Variants in SH3KBP1 observed in about 807,000 individuals in gnomAD.
SH3KBP1 encodes the protein SH3 domain-containing kinase-binding protein 1.
In SH3KBP1, 8 loss-of-function variants were observed where a neutral mutation model predicts 50.1. That is an observed-to-expected ratio of 0.16 (90% CI 0.09 to 0.29). The LOEUF (loss-of-function observed/expected upper bound fraction) is 0.29, where lower values mean the gene tolerates loss of function less well. SH3KBP1 is among the 10% of genes least tolerant of loss of function. The pLI is 1.00. For synonymous variants in SH3KBP1, 227 were observed against 218.6 expected (o/e 1.04, Z -0.34); for missense variants, 377 against 535.2 (o/e 0.70, Z 2.92).
intron 2 of SH3KBP1, among the ~76,000 whole-genome samples, chrX:19,780,476 G>A (rs1302087584): frequency 1.0e-5 from 1 of 100,319 alleles, no homozygotes; most frequent in Non-Finnish European, 2.0e-5. Flanking sequence ...TTTGGCTTTT[G>A]TTGCCATTGC....
At chrX:19,862,013 G>A (rs1020479890) in intron 1 of SH3KBP1, among the ~76,000 whole-genome samples, 7 of 111,986 alleles carry the variant, frequency 6.3e-5, no homozygotes, top group East Asian at 2.8e-4. Context: ...GACCACTTCC[G>A]CCTCTTGGTA....
chrX:19,610,639 A>C (rs1333548046), intron 8 of SH3KBP1, among the ~76,000 whole-genome samples: 1 of 111,994 alleles, frequency 8.9e-6, no homozygotes, highest in Non-Finnish European at 1.9e-5. Context: ...CATGATCTCT[A>C]ACCCCAGGGA....
intron 1 of SH3KBP1, among the ~76,000 whole-genome samples, chrX:19,837,269 T>C (rs2068084636): frequency 1.8e-5 from 2 of 111,307 alleles, no homozygotes; most frequent in Admixed American, 9.6e-5. Context: ...GTTACATTGT[T>C]TTCCTGATCT....
intron 13 of SH3KBP1, among the ~76,000 whole-genome samples, chrX:19,554,240 A>AT (rs374866980): frequency 1.5e-5 from 1 of 67,242 alleles, no homozygotes; most frequent in Non-Finnish European, 2.6e-5. Context: ...AAAATATATT[A>AT]TATATATTAA....
intron 2 of SH3KBP1, among the ~76,000 whole-genome samples, chrX:19,831,202 A>C (rs1475354343): frequency 9.0e-6 from 1 of 111,609 alleles, no homozygotes; most frequent in Non-Finnish European, 1.9e-5. Context: ...GGATCACTTG[A>C]GGCCAGAAGT....
At chrX:19,773,856 GAAAAAAA>G (rs59381892) in intron 2 of SH3KBP1, among the ~76,000 whole-genome samples, 18 of 14,918 alleles carry the variant, frequency 1.2e-3, no homozygotes, top group African/African-American at 1.1e-3. Flanking sequence ...ACTCCGGCTC[GAAAAAAA>G]AAAAAAAAAA....
chrX:19,761,670 G>A (rs1404598152), intron 2 of SH3KBP1, among the ~76,000 whole-genome samples: 1 of 111,499 alleles, frequency 9.0e-6, no homozygotes, highest in Admixed American at 9.5e-5. Flanking sequence ...AATAGTAGAA[G>A]CAACAGCTAG....
Position 19,887,473 on chromosome X carries a change from C to T in SH3KBP1, c.-163G>A. On this transcript the variant is annotated 5_prime_UTR_variant, in exon 1 of 18. Transcript: ENST00000397821. ...CTCAGTGGCGGCGGCGGCGGCTCAG[C>T]GCCGCCCGCTGCTGCCTCTGCTGCT... The T allele has an allele frequency of 2.9e-6, 1 of 341,367 alleles. No individual in the cohort carries two copies. The highest frequency in any genetic ancestry group is 4.6e-6 in the Non-Finnish European group (1 of 216,052). The allele number at this position is 341,367 out of a possible 1,213,427, so 28.1% of individuals were successfully genotyped here. A position where few individuals can be genotyped will look rare whatever the true frequency, so the allele number is the denominator to read the frequency against.
At chrX:19,547,818 C>T (rs1377486676) in intron 14 of SH3KBP1, among the ~76,000 whole-genome samples, 1 of 112,169 alleles carries the variant, frequency 8.9e-6, no homozygotes, top group African/African-American at 3.2e-5. Flanking sequence ...TTGAGGAATA[C>T]GCCCATATCC....
intron 3 of SH3KBP1, among the ~76,000 whole-genome samples, chrX:19,740,564 G>A (rs973395210): frequency 8.9e-6 from 1 of 112,026 alleles, no homozygotes; most frequent in Non-Finnish European, 1.9e-5. Context: ...GAAACTCAAA[G>A]AAAAGTCTGA....
chrX:19,623,983 A>C (rs2067931612), intron 8 of SH3KBP1, among the ~76,000 whole-genome samples: 1 of 111,803 alleles, frequency 8.9e-6, no homozygotes, highest in Non-Finnish European at 1.9e-5. Flanking sequence ...ACTATGATTT[A>C]ACCTTTAAAG....
chrX:19,842,907 C>T (rs138989863), intron 1 of SH3KBP1, among the ~76,000 whole-genome samples: 5,086 of 110,808 alleles, frequency 0.046, 141 homozygotes, highest in Non-Finnish European at 0.074. Flanking sequence ...CTATAAACTA[C>T]CCCAATGCCT....
intron 2 of SH3KBP1, among the ~76,000 whole-genome samples, chrX:19,834,526 C>G (rs1260928236): frequency 8.9e-6 from 1 of 112,006 alleles, no homozygotes; most frequent in African/African-American, 3.2e-5. Context: ...TGAGGAATAG[C>G]CTCCAGGTGA....
intron 1 of SH3KBP1, among the ~76,000 whole-genome samples, chrX:19,850,129 G>A (rs1036402000): frequency 1.8e-5 from 2 of 111,757 alleles, no homozygotes; most frequent in African/African-American, 3.3e-5. Context: ...TGTGTGTATT[G>A]TATACATATG....
intron 12 of SH3KBP1, among the ~76,000 whole-genome samples, chrX:19,587,724 G>T (rs1029748027): frequency 9.0e-6 from 1 of 111,546 alleles, no homozygotes. Context: ...GAATGAGGTG[G>T]GCTGAGATTC....
At chrX:19,858,981 TAGAG>T (rs2068719471) in intron 1 of SH3KBP1, among the ~76,000 whole-genome samples, 1 of 111,677 alleles carries the variant, frequency 9.0e-6, no homozygotes, top group African/African-American at 3.3e-5. Flanking sequence ...AAAAACTTGA[TAGAG>T]AAAGAAAAGT....
At chrX:19,635,418 G>T (rs1403318316) in intron 7 of SH3KBP1, among the ~76,000 whole-genome samples, 1 of 108,655 alleles carries the variant, frequency 9.2e-6, no homozygotes, top group Non-Finnish European at 1.9e-5. Context: ...AGGGCCTGTT[G>T]GGGGGTGGGG....
intron 8 of SH3KBP1, among the ~76,000 whole-genome samples, chrX:19,611,370 T>C (rs1254618116): frequency 9.0e-6 from 1 of 111,455 alleles, no homozygotes; most frequent in Non-Finnish European, 1.9e-5. Flanking sequence ...TGCTTTTGTT[T>C]TGAGACGCAG....
intron 5 of SH3KBP1, chrX:19,687,510 G>A (rs892207025): frequency 1.9e-5 from 12 of 617,669 alleles, no homozygotes; most frequent in African/African-American, 2.2e-5. Flanking sequence ...AATTCACACA[G>A]ACACTTGGCA....
Sources: gnomAD v4.1 joint callset for allele counts (sites outside exome capture counted in the v4.1 genomes callset) on GRCh38, gnomAD v4.1.1 for gene constraint, MANE v1.5 for transcripts, NCBI Gene and HGNC (gene_info 2026-07-23, HGNC 2026-07-21) for gene names.